Variants in FMNL3 observed in about 807,000 individuals in gnomAD.
The protein encoded by FMNL3 is formin-like protein 3.
In FMNL3, 57 loss-of-function variants were observed where a neutral mutation model predicts 119.6. The ratio of observed to expected loss-of-function variants is 0.48; its 90% CI spans 0.39 to 0.59. FMNL3 has a LOEUF of 0.59. Among genes scored for constraint, FMNL3 ranks in the 20% least tolerant of loss-of-function variants. The probability of loss-of-function intolerance (pLI) is 0.00; values close to 1 mark genes in which losing one functional copy is unlikely to be tolerated. For synonymous variants in FMNL3, 491 were observed against 507.3 expected (o/e 0.97, Z 0.43); for missense variants, 1,053 against 1,323.5 (o/e 0.80, Z 3.17).
Position 49,647,208 on chromosome 12 carries a change from C to T in FMNL3, c.2871+68G>A, listed in dbSNP as rs1054882763. The T allele has an allele frequency of 3.8e-6, 6 of 1,595,314 alleles. No homozygotes were observed. In the Admixed American group the frequency reaches 5.0e-5, roughly 13 times the overall value. On this transcript the variant is annotated intron_variant, in intron 24 of 25. Transcript: ENST00000335154. This position sits in a 1 kb window ranked among gnomAD's most constrained non-coding sequence, Gnocchi z 4.9. The stretch of plus-strand genomic sequence containing the variant: ...ACTCCAAGTTTTCATCTCCTCTAGC[C>T]TTCTGACCCCCAGCCCCCACTCTTT...
rs372641204 is a variant in FMNL3, at chr12:49,666,177, T to C, written c.241A>G (p.Thr81Ala). The change falls in exon 3 of 26, where the codon ACT (threonine) becomes GCT (alanine). Residue 81 changes from threonine to alanine, a missense_variant. Physicochemically the swap from Thr to Ala is moderately conservative, Grantham distance 58. This residue lies in a region of FMNL3 where 264 missense variants were observed against 265.5 expected (regional missense o/e 0.99). Coordinates refer to ENST00000335154, the MANE Select transcript of FMNL3 (RefSeq NM_175736.5). ...ERFQVKNPPH[T>A]YIQKLQSFLD... is the part of the protein sequence containing the mutation. ...AAGCTCTGGAGTTTCTGAATGTAAG[T>C]GTGGGGAGGATTCTTCACCTGGAAT... The C allele has an allele frequency of 1.2e-6, 2 of 1,614,022 alleles. No individual in the cohort carries two copies. Among genetic ancestry groups the C allele is most frequent in the Non-Finnish European group, 1.7e-6 (2 of 1,179,978 alleles).
At position 49,649,552 on chromosome 12, in the gene FMNL3, T is replaced by A. The variant is rs536022635; in HGVS notation, c.2236-14A>T. 6.2e-7 allele frequency: 1 copy of A among 1,613,962 alleles called. No individual in the cohort carries two copies. Among genetic ancestry groups the A allele is most frequent in the South Asian group, 1.1e-5 (1 of 90,988 alleles). The stretch of plus-strand genomic sequence containing the variant: ...GGCATTGAGTTGCTGTAGGACAATA[T>A]GAACACTGAAGTAACCCCAGGCTGA... On this transcript the variant is annotated splice_polypyrimidine_tract_variant and intron_variant, in intron 18 of 25. Coordinates refer to ENST00000335154, the MANE Select transcript of FMNL3 (RefSeq NM_175736.5). This position sits in a 1 kb window ranked among gnomAD's most constrained non-coding sequence, Gnocchi z 5.6.
rs1942086156 is a variant in FMNL3 at position 49,638,026 on chromosome 12, A to G, written c.*7789T>C. 3.5e-6 allele frequency: 2 copies of G among 571,468 alleles called. No individual in the cohort carries two copies. The highest frequency in any genetic ancestry group is 2.2e-5 in the South Asian group (1 of 45,512). The allele number at this position is 571,468 out of a possible 1,614,324, so 35.4% of individuals were successfully genotyped here. On this transcript the variant is annotated 3_prime_UTR_variant, in exon 26 of 26. Transcript: ENST00000335154. ...GGAGCTCATGGTCTAATAGGAAGAT[A>G]TACATGAGAACTGTTATACAAAGGG...
chr12:49,642,228 T>C lies in FMNL3; in HGVS notation c.*3587A>G, dbSNP rs1244422443. 1 of 1,614,092 alleles carries C rather than the reference T, an allele frequency of 6.2e-7. No homozygotes were observed. Among genetic ancestry groups the C allele is most frequent in the Admixed American group, 1.7e-5 (1 of 60,030 alleles). ...GTGACCCTGTTCCGTGTCCCTTCTT[T>C]CCTCAGCTGCTGGAGAAAGCAGAGG... On this transcript the variant is annotated 3_prime_UTR_variant, in exon 26 of 26. Transcript: ENST00000335154. The surrounding 1 kb of genome is among the most constrained non-coding windows in gnomAD (Gnocchi z 5.8).
At chr12:49,686,578 C>CAA (rs746062262) in intron 1 of FMNL3, among the ~76,000 whole-genome samples, 42 of 61,844 alleles carry the variant, frequency 6.8e-4, no homozygotes, top group Admixed American at 3.5e-3. Flanking sequence ...ACTTCATCTC[C>CAA]AAAAAAAAAA....
intron 21 of FMNL3, 112 bp from the exon 22 acceptor site, chr12:49,648,465 C>T (rs1055884276): frequency 8.7e-7 from 1 of 1,147,336 alleles, no homozygotes; most frequent in Non-Finnish European, 1.2e-6. Flanking sequence ...CACTCAGGTT[C>T]ACATACCTGT....
At chr12:49,670,826 G>A (rs1311390452) in intron 1 of FMNL3, among the ~76,000 whole-genome samples, 3 of 152,188 alleles carry the variant, frequency 2.0e-5, no homozygotes, top group African/African-American at 7.2e-5. Flanking sequence ...AGGAGCAAGA[G>A]GCCTCAACAA....
At chr12:49,658,297 C>G (rs959785163) in intron 6 of FMNL3, 145 bp downstream of exon 6, 42 of 1,228,754 alleles carry the variant, frequency 3.4e-5, no homozygotes, top group Non-Finnish European at 4.2e-5. Flanking sequence ...GAAGACAGAC[C>G]AGAGACAGAC....
Position 49,642,117 on chromosome 12 carries a change from A to AT in FMNL3, c.*3697dup. On this transcript the variant is annotated 3_prime_UTR_variant, in exon 26 of 26. Coordinates refer to ENST00000335154, the MANE Select transcript of FMNL3 (RefSeq NM_175736.5). The surrounding 1 kb of genome is among the most constrained non-coding windows in gnomAD (Gnocchi z 5.8). ...CACTGTCCCACTGACTATATTCCCA[A>AT]TTCAGGGGATGGTGGTAGAAGCCCA... is the stretch of plus-strand genomic sequence containing the variant. 6.2e-7 allele frequency: 1 copy of AT among 1,602,946 alleles called. No homozygotes were observed. The highest frequency in any genetic ancestry group is 8.5e-7 in the Non-Finnish European group (1 of 1,172,250).
intron 9 of FMNL3, 97 bp from the exon 10 acceptor site, chr12:49,655,081 TCAGACCAAGCTTAACCA>T: frequency 2.7e-6 from 3 of 1,120,026 alleles, no homozygotes; most frequent in Non-Finnish European, 3.9e-6. Flanking sequence ...AAGGACTGGT[TCAGACCAAGCTTAACCA>T]CAGCTCTATA....
At chr12:49,707,020 G>A (rs942752635) in intron 1 of FMNL3, 35 bp downstream of exon 1, 3 of 1,554,120 alleles carry the variant, frequency 1.9e-6, no homozygotes, top group Admixed American at 3.9e-5. Context: ...CCTGAGGGGC[G>A]GTACGCGGGG....
rs1830004784 is a variant in FMNL3, at chr12:49,647,825, A to G, written c.2677-21T>C. 6.3e-6 allele frequency: 10 copies of G among 1,581,778 alleles called. No homozygotes were observed. Among genetic ancestry groups the G allele is most frequent in the Non-Finnish European group, 7.0e-6 (8 of 1,150,984 alleles). ...GCCTCCTGGGGAAGGGGTGGGCAGA[A>G]TGGGTCACCCTGGCAGGAAGATCAG... On this transcript the variant is annotated intron_variant, in intron 22 of 25. Transcript: ENST00000335154. This position sits in a 1 kb window ranked among gnomAD's most constrained non-coding sequence, Gnocchi z 4.9.
Position 49,646,920 on chromosome 12 carries a change from C to T in FMNL3, c.2961G>A (p.Glu987=), listed in dbSNP as rs754334060. Residue 987 remains glutamate (E), a synonymous_variant, in exon 25 of 26, where the codon GAG becomes GAA. Transcript: ENST00000335154. The part of the protein sequence containing the change: ...RQAKEHRPVY[E]GKDGTIEDII... ...TGTCCTCGATGGTACCATCCTTCCCCTCATAAACAGGCCGGTGTTCCTTGG... is the reference window on the plus strand; with the variant it reads ...TGTCCTCGATGGTACCATCCTTCCCTTCATAAACAGGCCGGTGTTCCTTGG... The T allele has an allele frequency of 6.2e-7, 1 of 1,614,018 alleles. No individual in the cohort carries two copies. Among genetic ancestry groups the T allele is most frequent in the South Asian group, 1.1e-5 (1 of 91,088 alleles).
chr12:49,707,336 TGGCGGGGGCGCGC>T lies in FMNL3; in HGVS notation c.-169_-157del. On this transcript the variant is annotated 5_prime_UTR_variant, in exon 1 of 26. Transcript: ENST00000335154. ...CGCCGGGGGTTCCCTGGAGTCCCGC[TGGCGGGGGCGCGC>T]GGCGAGGGCGGAGGCAGCGTAGCGG... is the stretch of plus-strand genomic sequence containing the variant. 1 of 595,544 alleles carries T rather than the reference TGGCGGGGGCGCGC, an allele frequency of 1.7e-6. No individual in the cohort carries two copies. Among genetic ancestry groups the T allele is most frequent in the Non-Finnish European group, 2.6e-6 (1 of 388,440 alleles). 36.9% of individuals were successfully genotyped at this position (595,544 alleles called of 1,614,324 possible).
At position 49,652,021 on chromosome 12, in the gene FMNL3, A is replaced by G. The variant is rs1161274533; in HGVS notation, c.1515T>C (p.Leu505=). 2 of 1,608,212 alleles carry G rather than the reference A, an allele frequency of 1.2e-6. No individual in the cohort carries two copies. The part of the protein sequence containing the change: ...SEGMPPSDLD[L]LAPAPPPEEV... Reference sequence around the variant, plus strand: ...CCTCAGGGGGTGGGGCTGGAGCCAGAAGGTCCAGGTCGGAGGGTGGCATGC... The same window carrying G: ...CCTCAGGGGGTGGGGCTGGAGCCAGGAGGTCCAGGTCGGAGGGTGGCATGC... The change falls in exon 14 of 26, where the codon CTT becomes CTC. Residue 505 remains leucine, a synonymous_variant. Transcript: ENST00000335154.
chr12:49,665,759 G>C, intron 4 of FMNL3, 73 bp downstream of exon 4: 1 of 1,470,144 alleles, frequency 6.8e-7, no homozygotes, highest in African/African-American at 1.4e-5. Context: ...CATCCTCAGA[G>C]GACACCAGAC....
At position 49,641,762 on chromosome 12, in the gene FMNL3, A is replaced by G; in HGVS notation, c.*4053T>C. ...ATTGTCAAGTGATGAGGACTTGGAT[A>G]ACTTGGTTTCTAATGCAGACCACAG... On this transcript the variant is annotated 3_prime_UTR_variant, in exon 26 of 26. Transcript: ENST00000335154. The G allele has an allele frequency of 1.6e-6, 1 of 635,286 alleles. No individual in the cohort carries two copies. The highest frequency in any genetic ancestry group is 2.7e-5 in the Admixed American group (1 of 36,952). The allele number at this position is 635,286 out of a possible 1,614,324, so 39.4% of individuals were successfully genotyped here. A position where few individuals can be genotyped will look rare whatever the true frequency, so the allele number is the denominator to read the frequency against.
intron 1 of FMNL3, among the ~76,000 whole-genome samples, chr12:49,681,859 G>A (rs775972817): frequency 6.6e-6 from 1 of 151,498 alleles, no homozygotes; most frequent in African/African-American, 2.4e-5. Context: ...TGCCCAACCA[G>A]GGAAAGTTAT....
At chr12:49,679,188 G>A (rs915213186) in intron 1 of FMNL3, among the ~76,000 whole-genome samples, 2 of 152,154 alleles carry the variant, frequency 1.3e-5, no homozygotes, top group African/African-American at 2.4e-5. Context: ...GCAAGGAAAC[G>A]AAGGCTTGGA....
Sources: gnomAD v4.1 joint callset for allele counts (sites outside exome capture counted in the v4.1 genomes callset) on GRCh38, gnomAD v4.1.1 for gene constraint, gnomAD v4.1.1 regional missense constraint, Gnocchi (gnomAD v3.1) non-coding constraint, MANE v1.5 for transcripts, NCBI Gene and HGNC (gene_info 2026-07-23, HGNC 2026-07-21) for gene names.